Variants in CPQ observed in about 807,000 individuals in gnomAD.
The protein encoded by CPQ is carboxypeptidase Q.
CPQ carries 37 observed loss-of-function variants against 45.7 expected under a neutral mutation model. The ratio of observed to expected loss-of-function variants is 0.81; its 90% CI spans 0.62 to 1.07. CPQ has a LOEUF of 1.07. CPQ is among the 50% of genes least tolerant of loss of function. CPQ has a pLI of 0.00. For synonymous variants in CPQ, 186 were observed against 205.8 expected (o/e 0.90, Z 0.82); for missense variants, 537 against 572.9 (o/e 0.94, Z 0.64).
intron 4 of CPQ, among the ~76,000 whole-genome samples, chr8:96,944,642 A>T (rs1432419590): frequency 6.6e-6 from 1 of 152,182 alleles, no homozygotes; most frequent in African/African-American, 2.4e-5. Context: ...AGTGGATATG[A>T]ATCAAGTCTA....
chr8:97,058,926 A>C (rs2130517508), intron 6 of CPQ, among the ~76,000 whole-genome samples: 1 of 152,256 alleles, frequency 6.6e-6, no homozygotes, highest in Admixed American at 6.5e-5. Flanking sequence ...GCATTTTTTA[A>C]AAAAGCATAT....
intron 6 of CPQ, among the ~76,000 whole-genome samples, chr8:97,049,388 T>G (rs1810318229): frequency 6.6e-6 from 1 of 152,228 alleles, no homozygotes; most frequent in Non-Finnish European, 1.5e-5. Context: ...ACAGTCTGGC[T>G]TGTACTGCTT....
chr8:96,879,973 G>C lies in CPQ; in HGVS notation c.817G>C (p.Ala273Pro), dbSNP rs140416726. 8.5e-5 allele frequency: 138 copies of C among 1,614,046 alleles called. No homozygotes were observed. In the African/African-American group the frequency reaches 1.7e-3, roughly 20 times the overall value. ...AGATACTGATTCCTTCAACACTGTA[G>C]CAGAGATCACTGGGAGCAAATATCC... Reference protein sequence around the residue: ...YPDTDSFNTVAEITGSKYPEQ... With the variant: ...YPDTDSFNTVPEITGSKYPEQ... Residue 273 changes from alanine to proline, a missense_variant, in exon 4 of 8, where the codon GCA becomes CCA. Ala to Pro is a conservative substitution (Grantham distance 27, BLOSUM62 -1). Coordinates refer to ENST00000220763, the MANE Select transcript of CPQ (RefSeq NM_016134.4).
intron 6 of CPQ, among the ~76,000 whole-genome samples, chr8:97,065,289 C>T (rs764164534): frequency 3.9e-5 from 6 of 152,128 alleles, no homozygotes; most frequent in African/African-American, 1.2e-4. Flanking sequence ...AAATTTGTGC[C>T]GTGACAATAT....
chr8:96,645,806 T>A (rs1237415607), intron 1 of CPQ, among the ~76,000 whole-genome samples: 2 of 150,970 alleles, frequency 1.3e-5, no homozygotes, highest in Admixed American at 6.6e-5. Context: ...GAGCCTCCAA[T>A]ATGCCTTATG....
At chr8:97,029,855 C>A (rs1346780090) in intron 6 of CPQ, among the ~76,000 whole-genome samples, 1 of 152,138 alleles carries the variant, frequency 6.6e-6, no homozygotes, top group East Asian at 1.9e-4. Context: ...ACCTCAATGC[C>A]CGCCATATTC....
intron 7 of CPQ, among the ~76,000 whole-genome samples, chr8:97,085,605 T>C (rs1448300437): frequency 2.0e-5 from 3 of 152,206 alleles, no homozygotes; most frequent in African/African-American, 7.2e-5. Flanking sequence ...CCATTTTTCC[T>C]ATTTTCATCC....
intron 3 of CPQ, among the ~76,000 whole-genome samples, chr8:96,862,535 AG>A (rs1811939815): frequency 6.6e-6 from 1 of 152,048 alleles, no homozygotes; most frequent in African/African-American, 2.4e-5. Context: ...TTACTTTGAT[AG>A]GCATTGGAAA....
At chr8:96,862,551 T>C (rs1317675003) in intron 3 of CPQ, among the ~76,000 whole-genome samples, 2 of 152,038 alleles carry the variant, frequency 1.3e-5, no homozygotes, top group African/African-American at 2.4e-5. Flanking sequence ...TGGAAAGCCA[T>C]TGAAGACTTT....
chr8:97,042,477 C>G (rs925896303), intron 6 of CPQ, among the ~76,000 whole-genome samples: 1 of 152,286 alleles, frequency 6.6e-6, no homozygotes, highest in African/African-American at 2.4e-5. Flanking sequence ...TTTTGTGTCT[C>G]TATTTCCTTC....
intron 7 of CPQ, among the ~76,000 whole-genome samples, chr8:97,127,565 T>G (rs1399075817): frequency 6.6e-6 from 1 of 152,138 alleles, no homozygotes; most frequent in East Asian, 1.9e-4. Flanking sequence ...GGCACGCACC[T>G]GTAGTCCCAG....
At chr8:97,044,242 C>T (rs1213028071) in intron 6 of CPQ, among the ~76,000 whole-genome samples, 4 of 152,108 alleles carry the variant, frequency 2.6e-5, no homozygotes, top group Admixed American at 6.5e-5. Flanking sequence ...TTTCATCTTC[C>T]ATCACTGATA....
At chr8:96,826,220 G>A (rs2130841840) in intron 2 of CPQ, among the ~76,000 whole-genome samples, 1 of 152,060 alleles carries the variant, frequency 6.6e-6, no homozygotes, top group South Asian at 2.1e-4. Context: ...CCTGCCGTTT[G>A]GTGTTGATCA....
intron 3 of CPQ, among the ~76,000 whole-genome samples, chr8:96,846,668 A>G (rs750625192): frequency 1.6e-4 from 24 of 152,212 alleles, no homozygotes; most frequent in South Asian, 4.1e-4. Context: ...GCATGTATTC[A>G]TAAGAGCAAG....
At chr8:96,729,989 T>C (rs536293361) in intron 1 of CPQ, among the ~76,000 whole-genome samples, 3 of 152,258 alleles carry the variant, frequency 2.0e-5, no homozygotes, top group African/African-American at 7.2e-5. Context: ...GTGTTGAAAA[T>C]GGGCTTGGGT....
intron 5 of CPQ, among the ~76,000 whole-genome samples, chr8:96,977,308 C>G (rs1303046103): frequency 2.9e-5 from 4 of 139,656 alleles, no homozygotes; most frequent in Admixed American, 1.4e-4. Flanking sequence ...CTCACACCTG[C>G]AAGAATATCC....
intron 6 of CPQ, chr8:97,055,470 C>G (rs1228377805): frequency 6.6e-6 from 1 of 152,136 alleles, no homozygotes; most frequent in African/African-American, 2.4e-5. Flanking sequence ...TAAATAATAA[C>G]TCAACTCTCA....
chr8:96,996,840 C>T (rs969214453), intron 5 of CPQ, among the ~76,000 whole-genome samples: 3 of 151,870 alleles, frequency 2.0e-5, no homozygotes, highest in Non-Finnish European at 4.4e-5. Flanking sequence ...TTTACCATTT[C>T]CCCCAGAGCC....
intron 5 of CPQ, among the ~76,000 whole-genome samples, chr8:97,005,235 C>G (rs975902729): frequency 5.9e-5 from 9 of 151,818 alleles, no homozygotes; most frequent in African/African-American, 2.2e-4. Context: ...GTGTGTGCCA[C>G]CACACCTGGC....
Sources: allele counts gnomAD v4.1 joint callset (sites outside exome capture counted in the v4.1 genomes callset), GRCh38; gene constraint gnomAD v4.1.1; transcripts MANE v1.5; gene names NCBI Gene and HGNC (gene_info 2026-07-23, HGNC 2026-07-21).